Variants in THSD4 observed in about 807,000 individuals in gnomAD.
THSD4 encodes the protein thrombospondin type-1 domain-containing protein 4.
A neutral mutation model predicts 119.0 loss-of-function variants in THSD4; 69 were observed. The observed-to-expected ratio is 0.58, with a 90% CI of 0.48 to 0.71. The LOEUF (loss-of-function observed/expected upper bound fraction) is 0.71. Ranked by LOEUF, THSD4 falls within the 30% of genes least tolerant of loss-of-function variation. The pLI, the probability that THSD4 is intolerant of heterozygous loss-of-function variation, is 0.00. For synonymous variants in THSD4, 524 were observed against 540.4 expected (o/e 0.97, Z 0.42); for missense variants, 1,393 against 1,391.1 (o/e 1.00, Z -0.02).
intron 7 of THSD4, among the ~76,000 whole-genome samples, chr15:71,650,633 G>A (rs2051064977): frequency 6.6e-6 from 1 of 152,176 alleles, no homozygotes; most frequent in African/African-American, 2.4e-5. Flanking sequence ...AGCAGGAAGA[G>A]AGCCAGCCGG....
chr15:71,162,075 G>A (rs956847034), intron 3 of THSD4, among the ~76,000 whole-genome samples: 1 of 151,876 alleles, frequency 6.6e-6, no homozygotes, highest in Admixed American at 6.6e-5. Context: ...TGCATCTTTT[G>A]TATGTTCCTC....
chr15:71,239,320 C>T (rs1370658499), intron 4 of THSD4, among the ~76,000 whole-genome samples: 2 of 152,182 alleles, frequency 1.3e-5, no homozygotes, highest in African/African-American at 4.8e-5. Flanking sequence ...ACGACCCTGA[C>T]TGTTATCTCC....
rs184948914 is a variant in THSD4, at chr15:71,696,769, A to T, written c.1358-31780A>T. Reference sequence around the variant, plus strand: ...ACCAAATCCAAGCACAGGAAAACTCATGCTTCCTTCCAGCCCACCCCACTA... The same window carrying T: ...ACCAAATCCAAGCACAGGAAAACTCTTGCTTCCTTCCAGCCCACCCCACTA... On this transcript the variant is annotated intron_variant, in intron 8 of 17. Coordinates refer to ENST00000261862, the MANE Select transcript of THSD4 (RefSeq NM_024817.3). 6.6e-5 allele frequency among the ~76,000 whole-genome samples: 10 copies of T among 152,280 alleles called. No individual in the cohort carries two copies. The East Asian group carries it at 1.7e-3, about 27-fold the overall frequency.
At chr15:71,670,798 A>C (rs1422789088) in intron 8 of THSD4, among the ~76,000 whole-genome samples, 1 of 151,768 alleles carries the variant, frequency 6.6e-6, no homozygotes, top group Non-Finnish European at 1.5e-5. Context: ...TTCCAGCTTC[A>C]TCCATGTCCC....
At chr15:71,303,329 G>C (rs3803494) in intron 6 of THSD4, among the ~76,000 whole-genome samples, 35,897 of 152,182 alleles carry the variant, frequency 0.24, 4,328 homozygotes, top group Middle Eastern at 0.32. Flanking sequence ...TGGTCAGGAG[G>C]GGGGCAGTCA....
intron 7 of THSD4, among the ~76,000 whole-genome samples, chr15:71,497,752 A>AT (rs971230186): frequency 2.6e-5 from 4 of 151,588 alleles, no homozygotes; most frequent in Admixed American, 2.6e-4. Flanking sequence ...CTCTGTTAGA[A>AT]TTTTTTTTTC....
chr15:71,691,088 T>G (rs1199070105), intron 8 of THSD4, among the ~76,000 whole-genome samples: 1 of 152,168 alleles, frequency 6.6e-6, no homozygotes, highest in Non-Finnish European at 1.5e-5. Flanking sequence ...GGAAGAGATT[T>G]GAAGAGGCTG....
chr15:71,638,029 G>C (rs2050783588), intron 7 of THSD4, among the ~76,000 whole-genome samples: 2 of 152,100 alleles, frequency 1.3e-5, no homozygotes, highest in Admixed American at 6.6e-5. Flanking sequence ...GCCCAGCCAA[G>C]AGTATATTTT....
At chr15:71,751,103 G>C (rs2053440443) in intron 14 of THSD4, among the ~76,000 whole-genome samples, 1 of 152,162 alleles carries the variant, frequency 6.6e-6, no homozygotes, top group South Asian at 2.1e-4. Context: ...CTTTAGAAAA[G>C]GACAGCCCTA....
intron 8 of THSD4, among the ~76,000 whole-genome samples, chr15:71,694,800 T>G (rs148968394): frequency 1.2e-3 from 187 of 152,182 alleles, no homozygotes; most frequent in African/African-American, 4.1e-3. Flanking sequence ...AGCCCCTTGA[T>G]AGCACTGAAG....
intron 7 of THSD4, among the ~76,000 whole-genome samples, chr15:71,511,249 A>G (rs1033922912): frequency 1.3e-5 from 2 of 152,182 alleles, no homozygotes; most frequent in Non-Finnish European, 2.9e-5. Flanking sequence ...GGACGTTTTA[A>G]CAGACATTTG....
At chr15:71,390,017 C>A in intron 6 of THSD4, among the ~76,000 whole-genome samples, 1 of 151,946 alleles carries the variant, frequency 6.6e-6, no homozygotes, top group South Asian at 2.1e-4. Context: ...ATTGGCCAGG[C>A]TGGTCTTGAA....
At chr15:71,382,167 C>T (rs2046237010) in intron 6 of THSD4, among the ~76,000 whole-genome samples, 1 of 151,878 alleles carries the variant, frequency 6.6e-6, no homozygotes, top group South Asian at 2.1e-4. Flanking sequence ...TAGAGAAGAC[C>T]CAGTTTTCTT....
intron 6 of THSD4, among the ~76,000 whole-genome samples, chr15:71,376,476 C>A (rs1281480414): frequency 6.6e-6 from 1 of 152,168 alleles, no homozygotes; most frequent in Non-Finnish European, 1.5e-5. Flanking sequence ...TTTGGCCAGA[C>A]CACCAACCCT....
chr15:71,111,399 C>CACA, upstream of THSD4: 2 of 1,611,458 alleles, frequency 1.2e-6, no homozygotes, highest in Non-Finnish European at 1.7e-6. Context: ...CACAGGAACT[C>CACA]AGACTGTAGG....
intron 7 of THSD4, among the ~76,000 whole-genome samples, chr15:71,416,011 G>T (rs2046755416): frequency 6.6e-6 from 1 of 152,106 alleles, no homozygotes; most frequent in South Asian, 2.1e-4. Flanking sequence ...TGGCCAGGCT[G>T]GTCTCGAACT....
At chr15:71,373,931 G>A (rs2046095911) in intron 6 of THSD4, among the ~76,000 whole-genome samples, 1 of 152,186 alleles carries the variant, frequency 6.6e-6, no homozygotes, top group Non-Finnish European at 1.5e-5. Context: ...TTCTGAAACT[G>A]CTTGTCTGCA....
intron 7 of THSD4, among the ~76,000 whole-genome samples, chr15:71,414,293 T>A (rs1487103714): frequency 2.6e-5 from 4 of 152,224 alleles, no homozygotes; most frequent in African/African-American, 9.6e-5. Flanking sequence ...TATATACCAT[T>A]GTACTTGGAT....
At chr15:71,191,586 T>A (rs2043671792) in intron 3 of THSD4, among the ~76,000 whole-genome samples, 1 of 152,200 alleles carries the variant, frequency 6.6e-6, no homozygotes, top group African/African-American at 2.4e-5. Context: ...CTGTTTTATC[T>A]CTGAGGAGAC....
Sources: allele counts gnomAD v4.1 joint callset (sites outside exome capture counted in the v4.1 genomes callset), GRCh38; gene constraint gnomAD v4.1.1; transcripts MANE v1.5; gene names NCBI Gene and HGNC (gene_info 2026-07-23, HGNC 2026-07-21).